RIN2: variants seen among roughly 807,000 people sequenced by gnomAD.
The protein encoded by RIN2 is Ras and Rab interactor 2, also known as RAB5 interacting protein 2.
In RIN2, 36 loss-of-function variants were observed where a neutral mutation model predicts 78.0. The observed-to-expected ratio is 0.46, with a 90% CI of 0.35 to 0.61. RIN2 has a LOEUF of 0.61. Ranked by LOEUF, RIN2 falls within the 20% of genes least tolerant of loss-of-function variation. The probability of loss-of-function intolerance (pLI) is 0.00; values close to 1 mark genes in which losing one functional copy is unlikely to be tolerated. For synonymous variants in RIN2, 466 were observed against 466.8 expected, an observed-to-expected ratio of 1.00 and a Z score of 0.02; for missense variants, 1,087 against 1,159.7, an observed-to-expected ratio of 0.94 and a Z score of 0.91.
intron 9 of RIN2, among the ~76,000 whole-genome samples, chr20:19,981,115 A>C (rs922229273): frequency 2.6e-5 from 4 of 152,160 alleles, no homozygotes; most frequent in Non-Finnish European, 4.4e-5. Flanking sequence ...GGCTCCATTT[A>C]TTGCCCTCAC....
At chr20:19,868,143 C>T (rs2037565323) in intron 2 of RIN2, among the ~76,000 whole-genome samples, 1 of 152,208 alleles carries the variant, frequency 6.6e-6, no homozygotes. Context: ...TTATGCACCA[C>T]GGCTCTTCTG....
intron 2 of RIN2, among the ~76,000 whole-genome samples, chr20:19,808,779 T>A (rs2035494612): frequency 6.6e-6 from 1 of 152,200 alleles, no homozygotes; most frequent in African/African-American, 2.4e-5. Context: ...GGGGTGGCAT[T>A]GCTAGTGATG....
At chr20:19,892,424 C>T (rs1035366446) in intron 3 of RIN2, among the ~76,000 whole-genome samples, 3 of 152,132 alleles carry the variant, frequency 2.0e-5, no homozygotes, top group Admixed American at 6.6e-5. Flanking sequence ...CCATCTTGGC[C>T]GTGCTGGTCT....
intron 2 of RIN2, among the ~76,000 whole-genome samples, chr20:19,888,460 A>C (rs1463421209): frequency 6.6e-6 from 1 of 152,216 alleles, no homozygotes; most frequent in African/African-American, 2.4e-5. Context: ...TCTGCCACTC[A>C]GCTAATAATG....
chr20:19,867,100 G>A (rs1278389638), intron 2 of RIN2, among the ~76,000 whole-genome samples: 1 of 151,824 alleles, frequency 6.6e-6, no homozygotes, highest in Admixed American at 6.6e-5. Context: ...AGACTCATAA[G>A]ATGTCAGTTA....
chr20:19,958,697 C>T (rs952499101), intron 5 of RIN2, among the ~76,000 whole-genome samples: 24 of 152,162 alleles, frequency 1.6e-4, no homozygotes, highest in Non-Finnish European at 3.2e-4. Flanking sequence ...GGCGAAACCC[C>T]GTCTCTACTA....
intron 4 of RIN2, among the ~76,000 whole-genome samples, chr20:19,941,179 T>C (rs953704829): frequency 3.3e-5 from 5 of 152,220 alleles, no homozygotes; most frequent in African/African-American, 1.2e-4. Context: ...CAGCTGGTCA[T>C]CACCTTTGGC....
intron 10 of RIN2, 144 bp from the exon 11 acceptor site, chr20:19,992,024 G>A (rs1198340189): frequency 1.1e-6 from 1 of 903,578 alleles, no homozygotes; most frequent in Non-Finnish European, 1.6e-6. Flanking sequence ...GGCTACATAG[G>A]ATTCCAGAAA....
rs186370363 is a variant in RIN2 at position 19,856,448 on chromosome 20, G to A, written c.-36-33118G>A. Among the ~76,000 whole-genome samples, 228 of 151,918 alleles carry A rather than the reference G, an allele frequency of 1.5e-3. 1 individual carries two copies. The highest frequency in any genetic ancestry group is 5.2e-3 in the African/African-American group (215 of 41,456). On this transcript the variant is annotated intron_variant, in intron 2 of 12. Coordinates refer to ENST00000255006, the MANE Select transcript of RIN2 (RefSeq NM_018993.4). Reference sequence around the variant, plus strand: ...CTCCAGAGGCTGAGGTGGGAGGATCGCTTGAGCCCAGGAGTTCAAGACTAC... The same window carrying A: ...CTCCAGAGGCTGAGGTGGGAGGATCACTTGAGCCCAGGAGTTCAAGACTAC...
At chr20:19,953,563 C>T (rs2041414514) in intron 4 of RIN2, among the ~76,000 whole-genome samples, 1 of 152,152 alleles carries the variant, frequency 6.6e-6, no homozygotes, top group Admixed American at 6.5e-5. Context: ...GCCCTAGCCT[C>T]CTGAGTAGCT....
intron 2 of RIN2, among the ~76,000 whole-genome samples, chr20:19,851,607 C>T (rs962980780): frequency 5.9e-5 from 9 of 152,070 alleles, no homozygotes. Flanking sequence ...CCGGTGGTCC[C>T]AGCTACTCAG....
At chr20:19,840,763 C>A (rs556187673) in intron 2 of RIN2, among the ~76,000 whole-genome samples, 1 of 152,314 alleles carries the variant, frequency 6.6e-6, no homozygotes, top group East Asian at 1.9e-4. Flanking sequence ...ATTTTTCATG[C>A]ATGTTCCACA....
chr20:19,779,092 T>C (rs922178167), intron 1 of RIN2, among the ~76,000 whole-genome samples: 4 of 152,118 alleles, frequency 2.6e-5, no homozygotes. Flanking sequence ...ACGGGAGGAT[T>C]TATCTTCTTG....
chr20:19,946,733 A>AT (rs71198037), intron 4 of RIN2, among the ~76,000 whole-genome samples: 1 of 147,784 alleles, frequency 6.8e-6, no homozygotes, highest in African/African-American at 2.5e-5. Flanking sequence ...AAAAAAAAAA[A>AT]GGGAAAAGCA....
chr20:19,932,868 C>T (rs2040492563), intron 3 of RIN2, among the ~76,000 whole-genome samples: 2 of 152,260 alleles, frequency 1.3e-5, no homozygotes, highest in South Asian at 2.1e-4. Context: ...GCAGTTTCCC[C>T]CTCAAGTCTA....
At chr20:19,912,479 T>TC (rs796863091) in intron 3 of RIN2, among the ~76,000 whole-genome samples, 6 of 133,926 alleles carry the variant, frequency 4.5e-5, no homozygotes, top group African/African-American at 1.3e-4. Flanking sequence ...CTTTTTCTTT[T>TC]TTTTTTTTTT....
chr20:19,941,385 T>A (rs1350041906), intron 4 of RIN2, among the ~76,000 whole-genome samples: 1 of 152,146 alleles, frequency 6.6e-6, no homozygotes, highest in Admixed American at 6.5e-5. Flanking sequence ...TCCTTAAGTC[T>A]CAAGAGGGAC....
intron 11 of RIN2, among the ~76,000 whole-genome samples, chr20:19,995,868 T>C (rs2042945829): frequency 6.6e-6 from 1 of 152,156 alleles, no homozygotes; most frequent in Non-Finnish European, 1.5e-5. Flanking sequence ...TATCAATTTC[T>C]AAAAGAAAAA....
intron 11 of RIN2, 72 bp from the exon 12 acceptor site, chr20:19,996,607 G>A (rs1382668733): frequency 2.5e-5 from 37 of 1,478,288 alleles, no homozygotes; most frequent in South Asian, 2.4e-4. Context: ...GCCTTCTAAC[G>A]CTGGCATCCC....
Sources: allele counts gnomAD v4.1 joint callset (sites outside exome capture counted in the v4.1 genomes callset), GRCh38; gene constraint gnomAD v4.1.1; transcripts MANE v1.5; gene names NCBI Gene and HGNC (gene_info 2026-07-23, HGNC 2026-07-21).